Variants in WWOX observed in about 807,000 individuals in gnomAD.
WWOX encodes the protein WW domain-containing oxidoreductase.
Under a neutral mutation model 46.2 loss-of-function variants are expected in WWOX, and 69 were observed. The observed-to-expected ratio is 1.49, with a 90% CI of 1.23 to 1.82. The LOEUF is 1.82. WWOX is among the 40% of genes most tolerant of loss of function. The pLI, the probability that WWOX is intolerant of heterozygous loss-of-function variation, is 0.00. For missense variants in WWOX, 919 were observed against 542.6 expected, an observed-to-expected ratio of 1.69 and a Z score of -6.89; for synonymous variants, 359 against 202.6, an observed-to-expected ratio of 1.77 and a Z score of -6.56.
intron 5 of WWOX, among the ~76,000 whole-genome samples, chr16:78,280,198 C>T (rs944520896): frequency 6.6e-6 from 1 of 152,200 alleles, no homozygotes; most frequent in African/African-American, 2.4e-5. Flanking sequence ...CAGTTTTTCT[C>T]CCCCACTTTT....
intron 8 of WWOX, among the ~76,000 whole-genome samples, chr16:79,197,508 C>T (rs2051264071): frequency 6.6e-6 from 1 of 151,902 alleles, no homozygotes; most frequent in South Asian, 2.1e-4. Flanking sequence ...CTTACTGGTA[C>T]ACCACTGTCA....
At chr16:78,702,347 G>A (rs1476089356) in intron 8 of WWOX, among the ~76,000 whole-genome samples, 3 of 151,474 alleles carry the variant, frequency 2.0e-5, no homozygotes, top group African/African-American at 4.9e-5. Flanking sequence ...AGACAGAGAA[G>A]CTGGTGAAAT....
At chr16:79,123,718 A>T (rs2049689716) in intron 8 of WWOX, among the ~76,000 whole-genome samples, 1 of 152,144 alleles carries the variant, frequency 6.6e-6, no homozygotes, top group South Asian at 2.1e-4. Flanking sequence ...AGGAACATGA[A>T]ATAATGTGAG....
chr16:78,548,419 A>G (rs947605317), intron 8 of WWOX, among the ~76,000 whole-genome samples: 1 of 152,154 alleles, frequency 6.6e-6, no homozygotes, highest in Non-Finnish European at 1.5e-5. Context: ...AGTGATGAAC[A>G]TGTTAACATA....
Position 78,770,901 on chromosome 16 carries a change from C to A in WWOX, c.1056+338149C>A, listed in dbSNP as rs116887658. Among the ~76,000 whole-genome samples, 153 of 152,314 alleles carry A rather than the reference C, an allele frequency of 1.0e-3. 1 individual carries two copies. In the East Asian group the frequency reaches 0.029, roughly 29 times the overall value. On this transcript the variant is annotated intron_variant, in intron 8 of 8. Transcript: ENST00000566780. Reference sequence around the variant, plus strand: ...CTAATCAGTGCTATGGGAAAATAGGCAGAGCGAGGAGCGTAAGAATTATTA... The same window carrying A: ...CTAATCAGTGCTATGGGAAAATAGGAAGAGCGAGGAGCGTAAGAATTATTA...
intron 8 of WWOX, among the ~76,000 whole-genome samples, chr16:78,846,926 ATTTAG>A (rs2052313579): frequency 6.6e-6 from 1 of 152,162 alleles, no homozygotes; most frequent in South Asian, 2.1e-4. Context: ...ATACGTGAAT[ATTTAG>A]TTTATTCTGT....
chr16:79,136,893 T>C (rs376906474), intron 8 of WWOX, among the ~76,000 whole-genome samples: 5 of 152,358 alleles, frequency 3.3e-5, no homozygotes, highest in East Asian at 1.9e-4. Context: ...ATGTGTAAAC[T>C]GTCCAACCTG....
intron 8 of WWOX, among the ~76,000 whole-genome samples, chr16:78,909,505 G>C (rs2045053288): frequency 6.6e-6 from 1 of 152,156 alleles, no homozygotes; most frequent in Non-Finnish European, 1.5e-5. Flanking sequence ...TGCACGGTTG[G>C]CCTCCTCTAG....
intron 8 of WWOX, among the ~76,000 whole-genome samples, chr16:79,048,278 C>G (rs1490017681): frequency 1.3e-5 from 2 of 152,146 alleles, no homozygotes; most frequent in African/African-American, 2.4e-5. Flanking sequence ...TCCTGAACCT[C>G]TCCATCCTTG....
intron 8 of WWOX, among the ~76,000 whole-genome samples, chr16:78,644,712 C>G (rs182066398): frequency 6.6e-6 from 1 of 152,190 alleles, no homozygotes; most frequent in Non-Finnish European, 1.5e-5. Flanking sequence ...ATCTGCCCGC[C>G]TTTGCCTCCC....
intron 4 of WWOX, among the ~76,000 whole-genome samples, chr16:78,135,822 C>CT (rs1482494459): frequency 2.0e-5 from 3 of 152,118 alleles, no homozygotes; most frequent in African/African-American, 7.2e-5. Flanking sequence ...GGGAGTTGAA[C>CT]ATATAAGCAC....
At chr16:78,889,558 C>A (rs747970445) in intron 8 of WWOX, among the ~76,000 whole-genome samples, 1 of 152,248 alleles carries the variant, frequency 6.6e-6, no homozygotes, top group African/African-American at 2.4e-5. Flanking sequence ...CCTGTGTCCA[C>A]TGGTCTCCAC....
chr16:78,998,252 A>G (rs2047027988), intron 8 of WWOX, among the ~76,000 whole-genome samples: 1 of 152,142 alleles, frequency 6.6e-6, no homozygotes, highest in Non-Finnish European at 1.5e-5. Flanking sequence ...GGGACCCAGG[A>G]CATGTTGGAC....
At chr16:78,844,657 T>A (rs951803838) in intron 8 of WWOX, among the ~76,000 whole-genome samples, 2 of 152,204 alleles carry the variant, frequency 1.3e-5, no homozygotes, top group African/African-American at 4.8e-5. Flanking sequence ...GCAATTAATA[T>A]CCTCAAATTA....
chr16:78,726,085 C>T (rs993386667), intron 8 of WWOX, among the ~76,000 whole-genome samples: 92 of 121,356 alleles, frequency 7.6e-4, no homozygotes, highest in African/African-American at 2.5e-3. Context: ...CTCCCTCCCT[C>T]TTCCTCCCTC....
chr16:78,597,865 T>A (rs571234642), intron 8 of WWOX, among the ~76,000 whole-genome samples: 1 of 152,120 alleles, frequency 6.6e-6, no homozygotes, highest in Non-Finnish European at 1.5e-5. Flanking sequence ...TAGTTGTGTT[T>A]ATTCCCCTCG....
chr16:78,435,116 T>C (rs1321721313), intron 8 of WWOX, among the ~76,000 whole-genome samples: 1 of 152,118 alleles, frequency 6.6e-6, no homozygotes, highest in Non-Finnish European at 1.5e-5. Flanking sequence ...GTTAGCTGTT[T>C]TGGGAGTACG....
intron 8 of WWOX, among the ~76,000 whole-genome samples, chr16:78,930,540 C>A (rs1044339209): frequency 6.6e-6 from 1 of 150,884 alleles, no homozygotes; most frequent in Non-Finnish European, 1.5e-5. Flanking sequence ...ATCCGCCAGC[C>A]TCAGCCTCCC....
chr16:78,170,194 A>G (rs1567610386), intron 5 of WWOX, among the ~76,000 whole-genome samples: 1 of 152,176 alleles, frequency 6.6e-6, no homozygotes, highest in African/African-American at 2.4e-5. Context: ...CCAGTTCATA[A>G]CCACGGCTAT....
Sources: allele counts gnomAD v4.1 joint callset (sites outside exome capture counted in the v4.1 genomes callset), GRCh38; gene constraint gnomAD v4.1.1; transcripts MANE v1.5; gene names NCBI Gene and HGNC (gene_info 2026-07-23, HGNC 2026-07-21).